C12orf54: variants seen among roughly 807,000 people sequenced by gnomAD.
The protein encoded by C12orf54 is chromosome 12 open reading frame 54, also known as uncharacterized protein C12orf54.
A neutral mutation model predicts 26.4 loss-of-function variants in C12orf54; 24 were observed. The ratio of observed to expected loss-of-function variants is 0.91; its 90% CI spans 0.66 to 1.28. The LOEUF (loss-of-function observed/expected upper bound fraction) is 1.28. C12orf54 is among the 50% of genes most tolerant of loss of function. The probability of loss-of-function intolerance (pLI) is 0.00; values close to 1 mark genes in which losing one functional copy is unlikely to be tolerated. For missense variants in C12orf54, 154 were observed against 150.9 expected, an observed-to-expected ratio of 1.02 and a Z score of -0.11; for synonymous variants, 54 against 47.0, an observed-to-expected ratio of 1.15 and a Z score of -0.61.
At chr12:48,488,700 A>G (rs1937715281) in intron 4 of C12orf54, among the ~76,000 whole-genome samples, 1 of 152,232 alleles carries the variant, frequency 6.6e-6, no homozygotes, top group African/African-American at 2.4e-5. Flanking sequence ...ACTTTACTGT[A>G]TTTTGCTCAT....
At chr12:48,490,980 A>G in intron 6 of C12orf54, 144 bp downstream of exon 6, 1 of 989,210 alleles carries the variant, frequency 1.0e-6, no homozygotes, top group Non-Finnish European at 1.5e-6. Context: ...TCACCCTAGG[A>G]TCTTCCATTT....
chr12:48,436,350 C>T, the C12orf54 span, among the ~76,000 whole-genome samples: 21 of 152,252 alleles, frequency 1.4e-4, no homozygotes, highest in East Asian at 5.8e-4. Flanking sequence ...GACAGATCAA[C>T]GAGACAGAAA....
chr12:48,492,145 G>T (rs1360074145), intron 6 of C12orf54, among the ~76,000 whole-genome samples: 2 of 152,128 alleles, frequency 1.3e-5, no homozygotes, highest in Admixed American at 1.3e-4. Context: ...TACTCTTGGG[G>T]TCTTTCTGGA....
chr12:48,416,655 A>G, the C12orf54 span, among the ~76,000 whole-genome samples: 28 of 152,226 alleles, frequency 1.8e-4, no homozygotes, highest in African/African-American at 6.7e-4. Flanking sequence ...TGAGGTCAAG[A>G]GTTTGAGACC....
the C12orf54 span, among the ~76,000 whole-genome samples, chr12:48,464,729 C>G: frequency 6.6e-6 from 1 of 151,998 alleles, no homozygotes; most frequent in Non-Finnish European, 1.5e-5. Context: ...GACACATAAA[C>G]CAATAGAACA....
upstream of C12orf54, among the ~76,000 whole-genome samples, chr12:48,480,919 C>T (rs1337017863): frequency 6.6e-6 from 1 of 150,758 alleles, no homozygotes. Flanking sequence ...TTTCCAACAA[C>T]ATGGATGTAG....
the C12orf54 span, among the ~76,000 whole-genome samples, chr12:48,415,343 G>T: frequency 1.3e-5 from 2 of 152,176 alleles, no homozygotes; most frequent in Admixed American, 1.3e-4. Flanking sequence ...GCGGTTGATC[G>T]CTCTACTTTT....
chr12:48,489,164 T>C (rs1391970574), intron 5 of C12orf54: 1 of 730,720 alleles, frequency 1.4e-6, no homozygotes, highest in East Asian at 2.5e-5. Context: ...TGAGGAAATG[T>C]GATAATACAA....
the C12orf54 span, chr12:48,473,731 G>T: frequency 5.6e-6 from 1 of 177,008 alleles, no homozygotes; most frequent in East Asian, 1.6e-4. Flanking sequence ...ATGGTTTGGA[G>T]TTCTCTTATG....
In C12orf54 at chr12:48,483,307, A is replaced by C; in HGVS notation, c.11A>C (p.His4Pro). The C allele has an allele frequency of 6.2e-7, 1 of 1,614,038 alleles. No individual in the cohort carries two copies. Among genetic ancestry groups the C allele is most frequent in the South Asian group, 1.1e-5 (1 of 91,078 alleles). ...TCTGTCTGAGAACAAATGGCACAGCATCCCTGCCAGGATCAGGAACAAAAG... is the reference window on the plus strand; with the variant it reads ...TCTGTCTGAGAACAAATGGCACAGCCTCCCTGCCAGGATCAGGAACAAAAG... MAQHPCQDQEQKVE... is the reference protein window; with the variant it reads MAQPPCQDQEQKVE... Residue 4 changes from histidine to proline, a missense_variant, in exon 2 of 9, where the codon CAT becomes CCT. Coordinates refer to ENST00000548364, the MANE Select transcript of C12orf54 (RefSeq NM_152319.4).
At chr12:48,491,259 G>A (rs571289865) in intron 6 of C12orf54, among the ~76,000 whole-genome samples, 9 of 152,338 alleles carry the variant, frequency 5.9e-5, no homozygotes, top group African/African-American at 2.2e-4. Flanking sequence ...CTGCTTCCCA[G>A]TTCATAGACA....
At chr12:48,451,640 A>G in the C12orf54 span, among the ~76,000 whole-genome samples, 70 of 152,332 alleles carry the variant, frequency 4.6e-4, no homozygotes, top group African/African-American at 1.3e-3. Context: ...AACTTCAGCA[A>G]AGTCTCAGGA....
At chr12:48,477,204 C>T in the C12orf54 span, among the ~76,000 whole-genome samples, 22,406 of 151,928 alleles carry the variant, frequency 0.15, 2,846 homozygotes, top group East Asian at 0.66. Context: ...CCAATGAGAA[C>T]GAAGACACAA....
the C12orf54 span, among the ~76,000 whole-genome samples, chr12:48,444,796 A>G: frequency 6.6e-6 from 1 of 152,192 alleles, no homozygotes; most frequent in Non-Finnish European, 1.5e-5. Context: ...CCTGCCTGAG[A>G]GGAACTTTTT....
chr12:48,436,461 T>A, the C12orf54 span, among the ~76,000 whole-genome samples: 1 of 152,200 alleles, frequency 6.6e-6, no homozygotes, highest in Non-Finnish European at 1.5e-5. Context: ...TATACATTTT[T>A]TTCAGCACCA....
chr12:48,426,731 A>G, the C12orf54 span, among the ~76,000 whole-genome samples: 2 of 152,068 alleles, frequency 1.3e-5, no homozygotes, highest in African/African-American at 4.8e-5. Context: ...ATGCTTTTCC[A>G]TTTGTTTCTG....
At chr12:48,474,299 C>T in the C12orf54 span, among the ~76,000 whole-genome samples, 7 of 152,192 alleles carry the variant, frequency 4.6e-5, no homozygotes, top group Admixed American at 3.3e-4. Context: ...CTCTGGTCTA[C>T]AGCTCCCAGC....
At position 48,494,478 on chromosome 12, in the gene C12orf54, T is replaced by C. The variant is rs547988661; in HGVS notation, c.243-320T>C. Among the ~76,000 whole-genome samples the C allele has an allele frequency of 7.2e-5, 11 of 152,332 alleles. No individual in the cohort carries two copies. The East Asian group carries it at 2.1e-3, about 29-fold the overall frequency. ...AACCTTTGCATATGAGGAGCACTTT[T>C]GATTAGTCAAAATCCTTTCAGATGT... On this transcript the variant is annotated intron_variant, in intron 7 of 8. Transcript: ENST00000548364.
chr12:48,484,500 A>G (rs1954235915), intron 2 of C12orf54, among the ~76,000 whole-genome samples: 1 of 152,234 alleles, frequency 6.6e-6, no homozygotes, highest in Non-Finnish European at 1.5e-5. Flanking sequence ...TTTTGGTGGT[A>G]AAAGTGGACA....
Sources: gnomAD v4.1 joint callset for allele counts (sites outside exome capture counted in the v4.1 genomes callset) on GRCh38, gnomAD v4.1.1 for gene constraint, MANE v1.5 for transcripts, NCBI Gene and HGNC (gene_info 2026-07-23, HGNC 2026-07-21) for gene names.